The following ENTREP1 variants were observed in gnomAD, a reference collection of about 807,000 sequenced individuals.
The protein encoded by ENTREP1 is Friedreich ataxia region gene X123.
chr9:69,372,663 C>T, the ENTREP1 span, among the ~76,000 whole-genome samples: 1 of 152,272 alleles, frequency 6.6e-6, no homozygotes, highest in South Asian at 2.1e-4. Context: ...GCAAACATGT[C>T]TCTGAGATCC....
chr9:69,330,115 C>G, the ENTREP1 span, among the ~76,000 whole-genome samples: 2 of 149,654 alleles, frequency 1.3e-5, no homozygotes, highest in African/African-American at 4.9e-5. Context: ...TTAGATTCCA[C>G]TGGGGTATGG....
At chr9:69,375,912 C>A in the ENTREP1 span, 1 of 1,565,872 alleles carries the variant, frequency 6.4e-7, no homozygotes, top group Non-Finnish European at 8.7e-7. Context: ...CCACGGAGCC[C>A]CCAAAGAAGG....
chr9:69,324,803 C>T, the ENTREP1 span: 4 of 985,214 alleles, frequency 4.1e-6, no homozygotes, highest in Non-Finnish European at 4.8e-6. Context: ...GCGCCAGGGC[C>T]TCTCTCGTGG....
the ENTREP1 span, chr9:69,324,614 T>A: frequency 2.0e-6 from 2 of 985,108 alleles, no homozygotes; most frequent in African/African-American, 3.5e-5. Flanking sequence ...GGGAAAGCAC[T>A]CCCGCGCCGA....
chr9:69,374,272 A>G, the ENTREP1 span, among the ~76,000 whole-genome samples: 1 of 151,858 alleles, frequency 6.6e-6, no homozygotes, highest in Non-Finnish European at 1.5e-5. Context: ...TTGTTGATGG[A>G]CAGTTAGGTT....
chr9:69,349,674 T>A, the ENTREP1 span, among the ~76,000 whole-genome samples: 7 of 152,204 alleles, frequency 4.6e-5, no homozygotes, highest in African/African-American at 1.7e-4. Context: ...TATGTCCAGA[T>A]AAACTCATCA....
chr9:69,354,500 C>T, the ENTREP1 span, among the ~76,000 whole-genome samples: 9 of 152,272 alleles, frequency 5.9e-5, no homozygotes, highest in Middle Eastern at 3.4e-3. Context: ...TCAGGTGATC[C>T]GCCTGCCTTG....
chr9:69,389,536 T>C, the ENTREP1 span, among the ~76,000 whole-genome samples: 1 of 152,236 alleles, frequency 6.6e-6, no homozygotes, highest in East Asian at 1.9e-4. Flanking sequence ...GAAAGAGTGA[T>C]CAGTTGACGG....
At chr9:69,383,405 C>T in the ENTREP1 span, 2 of 1,356,038 alleles carry the variant, frequency 1.5e-6, no homozygotes, top group Non-Finnish European at 1.9e-6. Context: ...GGTTTAAAAG[C>T]AATGATGGGG....
chr9:69,367,747 A>ATG, the ENTREP1 span, among the ~76,000 whole-genome samples: 1 of 132,516 alleles, frequency 7.5e-6, no homozygotes, highest in Non-Finnish European at 1.6e-5. Context: ...ATATACACAT[A>ATG]TATAAATATA....
chr9:69,371,511 GTGC>G, the ENTREP1 span: 1 of 1,612,986 alleles, frequency 6.2e-7, no homozygotes, highest in African/African-American at 1.3e-5. Context: ...AAACCTCTTT[GTGC>G]TGCTCTCTGT....
chr9:69,343,410 G>C, the ENTREP1 span, among the ~76,000 whole-genome samples: 1 of 152,214 alleles, frequency 6.6e-6, no homozygotes, highest in African/African-American at 2.4e-5. Context: ...GCCAAGGAGA[G>C]AATATTTACA....
chr9:69,351,618 T>C, the ENTREP1 span, among the ~76,000 whole-genome samples: 2 of 152,196 alleles, frequency 1.3e-5, no homozygotes, highest in African/African-American at 2.4e-5. Context: ...TGGTTCACCA[T>C]GTTGGCCAGG....
chr9:69,324,714 G>A, the ENTREP1 span: 5 of 984,260 alleles, frequency 5.1e-6, no homozygotes, highest in Non-Finnish European at 6.0e-6. Context: ...TCTTCCCATC[G>A]AGTCGCCCCA....
chr9:69,376,908 GCAGCA>G, the ENTREP1 span, among the ~76,000 whole-genome samples: 7 of 152,206 alleles, frequency 4.6e-5, no homozygotes, highest in East Asian at 1.3e-3. Flanking sequence ...TGTGCATGGG[GCAGCA>G]CAGCCAATTG....
At chr9:69,368,573 T>C in the ENTREP1 span, among the ~76,000 whole-genome samples, 105 of 152,314 alleles carry the variant, frequency 6.9e-4, no homozygotes, top group Middle Eastern at 3.4e-3. Context: ...TTGAGGATTT[T>C]TGTGTCTATG....
chr9:69,342,840 C>G, the ENTREP1 span, among the ~76,000 whole-genome samples: 1 of 152,234 alleles, frequency 6.6e-6, no homozygotes, highest in African/African-American at 2.4e-5. Flanking sequence ...TCTCTGTGAT[C>G]ACAGTGCATT....
chr9:69,353,673 A>C, the ENTREP1 span, among the ~76,000 whole-genome samples: 1 of 152,184 alleles, frequency 6.6e-6, no homozygotes, highest in Admixed American at 6.5e-5. Context: ...AACCTTTGTA[A>C]CTGAAGTATG....
At chr9:69,353,371 C>G in the ENTREP1 span, among the ~76,000 whole-genome samples, 1 of 152,194 alleles carries the variant, frequency 6.6e-6, no homozygotes, top group Non-Finnish European at 1.5e-5. Context: ...ATGTGCCCTT[C>G]ACTTGAATTC....
Sources: gnomAD v4.1 joint callset for allele counts (sites outside exome capture counted in the v4.1 genomes callset) on GRCh38, gnomAD v4.1.1 for gene constraint, MANE v1.5 for transcripts, NCBI Gene and HGNC (gene_info 2026-07-23, HGNC 2026-07-21) for gene names.